WNT2B: variants seen among roughly 807,000 people sequenced by gnomAD.
The protein encoded by WNT2B is Wnt family member 2B, also known as protein Wnt-2b.
Under a neutral mutation model 40.5 loss-of-function variants are expected in WNT2B, and 19 were observed. That is an observed-to-expected ratio of 0.47 (90% CI 0.33 to 0.69). WNT2B has a LOEUF of 0.69. WNT2B is among the 30% of genes least tolerant of loss of function. The probability of loss-of-function intolerance (pLI) is 0.02; values close to 1 mark genes in which losing one functional copy is unlikely to be tolerated. For missense variants in WNT2B, 467 were observed against 556.4 expected (o/e 0.84, Z 1.62); for synonymous variants, 220 against 211.9 (o/e 1.04, Z -0.33).
intron 1 of WNT2B, among the ~76,000 whole-genome samples, chr1:112,513,057 G>T (rs1398352190): frequency 6.6e-6 from 1 of 152,084 alleles, no homozygotes; most frequent in Non-Finnish European, 1.5e-5. Flanking sequence ...ACTCCAGACT[G>T]TCTCACGAGG....
intron 1 of WNT2B, among the ~76,000 whole-genome samples, chr1:112,490,331 ACCT>A (rs1187939157): frequency 1.3e-5 from 2 of 152,084 alleles, no homozygotes; most frequent in African/African-American, 4.8e-5. Flanking sequence ...CCTTGGGATC[ACCT>A]CCTCGTTCTG....
At position 112,521,907 on chromosome 1, in the gene WNT2B, C is replaced by T. The variant is rs149187988; in HGVS notation, c.*1398C>T. ...GTGGTATAGAAATTTGCGGTTATGA[C>T]AGACCCGGGTTAAAAATCACAGCTG... On this transcript the variant is annotated 3_prime_UTR_variant, in exon 5 of 5. Transcript: ENST00000369684. 1 of 152,204 alleles carries T rather than the reference C, an allele frequency of 6.6e-6. No individual in the cohort carries two copies. Among genetic ancestry groups the T allele is most frequent in the Non-Finnish European group, 1.5e-5 (1 of 68,042 alleles). 9.4% of individuals were successfully genotyped at this position (152,204 alleles called of 1,614,324 possible). A position where few individuals can be genotyped will look rare whatever the true frequency, so the allele number is the denominator to read the frequency against.
rs955083584 is a variant in WNT2B at position 112,520,732 on chromosome 1, C to G, written c.*223C>G. 1 of 586,816 alleles carries G rather than the reference C, an allele frequency of 1.7e-6. No individual in the cohort carries two copies. Among genetic ancestry groups the G allele is most frequent in the Non-Finnish European group, 3.0e-6 (1 of 331,412 alleles). The allele number at this position is 586,816 out of a possible 1,614,324, so 36.4% of individuals were successfully genotyped here. The stretch of plus-strand genomic sequence containing the variant: ...AAACTGAGCAAGCTCCCTGATTTCC[C>G]GCTCTGGAGATTTGAAGGGAGAGTA... On this transcript the variant is annotated 3_prime_UTR_variant, in exon 5 of 5. Transcript: ENST00000369684.
chr1:112,476,458 C>A (rs888590410), intron 1 of WNT2B, among the ~76,000 whole-genome samples: 16 of 152,036 alleles, frequency 1.1e-4, no homozygotes, highest in African/African-American at 3.6e-4. Flanking sequence ...ACATACCAAC[C>A]AAAATAGCTC....
At position 112,514,923 on chromosome 1, in the gene WNT2B, T is replaced by G; in HGVS notation, c.232T>G (p.Leu78Val). 6.2e-7 allele frequency: 1 copy of G among 1,614,234 alleles called. No individual in the cohort carries two copies. The highest frequency in any genetic ancestry group is 8.5e-7 in the Non-Finnish European group (1 of 1,180,038). ...AGTGATCTGTGACAATATCCCTGGTTTGGTGAGCCGGCAGCGGCAGCTGTG... is the reference window on the plus strand; with the variant it reads ...AGTGATCTGTGACAATATCCCTGGTGTGGTGAGCCGGCAGCGGCAGCTGTG... ...ARVICDNIPG[L>V]VSRQRQLCQR... The change falls in exon 2 of 5, where the codon TTG (leucine) becomes GTG (valine). Residue 78 changes from leucine to valine, a missense_variant. Leu to Val is a conservative substitution (Grantham distance 32, BLOSUM62 1). This residue lies in a region of WNT2B where 137 missense variants were observed against 117.7 expected (regional missense o/e 1.16). Transcript: ENST00000369684.
intron 1 of WNT2B, among the ~76,000 whole-genome samples, chr1:112,491,464 T>C (rs1314024254): frequency 6.6e-6 from 1 of 152,060 alleles, no homozygotes; most frequent in African/African-American, 2.4e-5. Flanking sequence ...GCTAAGAACA[T>C]GTTGAACTGT....
chr1:112,501,087 A>G (rs1295833798), intron 1 of WNT2B, among the ~76,000 whole-genome samples: 1 of 152,072 alleles, frequency 6.6e-6, no homozygotes, highest in Non-Finnish European at 1.5e-5. Context: ...AGTTGCTCAG[A>G]CTTTCCTTGT....
chr1:112,502,683 A>C (rs1291549852), intron 1 of WNT2B, among the ~76,000 whole-genome samples: 1 of 151,858 alleles, frequency 6.6e-6, no homozygotes. Context: ...TCCTGTGATG[A>C]CTGGAGGAGA....
Position 112,509,882 on chromosome 1 carries a change from C to G in WNT2B, c.182+438C>G, listed in dbSNP as rs1004739916. 3.3e-5 allele frequency among the ~76,000 whole-genome samples: 5 copies of G among 152,360 alleles called. No individual in the cohort carries two copies. The South Asian group carries it at 1.0e-3, about 32-fold the overall frequency. On this transcript the variant is annotated intron_variant, in intron 1 of 4. Transcript: ENST00000369684. The surrounding 1 kb of genome is among the most constrained non-coding windows in gnomAD (Gnocchi z 4.2). The stretch of plus-strand genomic sequence containing the variant: ...GGGCAGCTCGCTAGTCTAGCCCACC[C>G]ATACCACAGGAAGGCTTTGGTGAGG...
upstream of WNT2B, among the ~76,000 whole-genome samples, chr1:112,504,296 C>T (rs551181546): frequency 3.3e-5 from 5 of 152,166 alleles, no homozygotes; most frequent in Admixed American, 2.6e-4. Flanking sequence ...TCTCCTCCTT[C>T]CCCTTCTCCT....
In WNT2B at chr1:112,526,060, T is replaced by A. The variant is rs1264033683; in HGVS notation, c.*5551T>A. ...TCTTCTGACTTCAAATCCTGTGTAT[T>A]CTCCTCAAAGCCTGAGGATGCCCAG... On this transcript the variant is annotated 3_prime_UTR_variant, in exon 5 of 5. Transcript: ENST00000369684. The A allele has an allele frequency of 6.2e-7, 1 of 1,613,968 alleles. No homozygotes were observed. Among genetic ancestry groups the A allele is most frequent in the African/African-American group, 1.3e-5 (1 of 74,862 alleles).
intron 1 of WNT2B, among the ~76,000 whole-genome samples, chr1:112,511,188 C>T (rs1652336145): frequency 6.6e-6 from 1 of 152,010 alleles, no homozygotes; most frequent in South Asian, 2.1e-4. Flanking sequence ...ACTACCCTCC[C>T]CTGATGTGGT....
At chr1:112,493,371 C>T (rs1457701617) in intron 1 of WNT2B, among the ~76,000 whole-genome samples, 1 of 152,088 alleles carries the variant, frequency 6.6e-6, no homozygotes, top group Non-Finnish European at 1.5e-5. Flanking sequence ...ACCTGTAATC[C>T]CAGCACTTCA....
chr1:112,495,122 T>TA (rs796393967), intron 1 of WNT2B, among the ~76,000 whole-genome samples: 4 of 151,320 alleles, frequency 2.6e-5, no homozygotes, highest in Admixed American at 6.6e-5. Flanking sequence ...CTAAGCAATG[T>TA]AAAAAAATAA....
At chr1:112,474,195 G>A (rs1241530154) in intron 1 of WNT2B, among the ~76,000 whole-genome samples, 2 of 152,144 alleles carry the variant, frequency 1.3e-5, no homozygotes, top group African/African-American at 2.4e-5. Flanking sequence ...GCCCAGGCTG[G>A]AGTGTGGTGG....
chr1:112,494,215 C>A (rs535256162), intron 1 of WNT2B, among the ~76,000 whole-genome samples: 4 of 151,096 alleles, frequency 2.6e-5, no homozygotes, highest in Admixed American at 6.6e-5. Flanking sequence ...GAGGCTGAGG[C>A]GGGAGAATCG....
intron 1 of WNT2B, among the ~76,000 whole-genome samples, chr1:112,468,296 T>G (rs146389482): frequency 6.6e-6 from 1 of 152,212 alleles, no homozygotes; most frequent in Non-Finnish European, 1.5e-5. Context: ...ATATACTATT[T>G]ATTTTCCTTT....
intron 1 of WNT2B, among the ~76,000 whole-genome samples, chr1:112,470,089 G>A (rs1454706990): frequency 6.6e-6 from 1 of 152,214 alleles, no homozygotes; most frequent in South Asian, 2.1e-4. Context: ...TGTACCTTCG[G>A]ATAATTTTTG....
intron 1 of WNT2B, among the ~76,000 whole-genome samples, chr1:112,495,303 G>C (rs561928049): frequency 6.6e-6 from 1 of 151,716 alleles, no homozygotes; most frequent in Non-Finnish European, 1.5e-5. Context: ...TAGGCCAGGC[G>C]TGGTGGCTCA....
Sources: allele counts gnomAD v4.1 joint callset (sites outside exome capture counted in the v4.1 genomes callset), GRCh38; gene constraint gnomAD v4.1.1; regional missense constraint gnomAD v4.1.1; non-coding constraint Gnocchi (gnomAD v3.1); transcripts MANE v1.5; gene names NCBI Gene and HGNC (gene_info 2026-07-23, HGNC 2026-07-21).